Variants in RABGAP1 observed in about 807,000 individuals in gnomAD.
RABGAP1 encodes rab GTPase-activating protein 1.
Under a neutral mutation model 137.6 loss-of-function variants are expected in RABGAP1, and 23 were observed. The ratio of observed to expected loss-of-function variants is 0.17; its 90% confidence interval spans 0.12 to 0.24. The LOEUF is 0.24. Ranked by LOEUF, RABGAP1 falls within the 10% of genes least tolerant of loss-of-function variation. The pLI, the probability that RABGAP1 is intolerant of heterozygous loss-of-function variation, is 1.00. For synonymous variants in RABGAP1, 451 were observed against 450.7 expected, an observed-to-expected ratio of 1.00 and a Z score of -0.01; for missense variants, 906 against 1,275.8, an observed-to-expected ratio of 0.71 and a Z score of 4.42.
chr9:123,067,822 A>G (rs994500566), intron 14 of RABGAP1, among the ~76,000 whole-genome samples: 4 of 152,204 alleles, frequency 2.6e-5, no homozygotes, highest in Non-Finnish European at 5.9e-5. Flanking sequence ...AATGTATCAT[A>G]TAATTTCACA....
chr9:123,056,088 G>A (rs527860195), intron 13 of RABGAP1, among the ~76,000 whole-genome samples: 1 of 152,290 alleles, frequency 6.6e-6, no homozygotes, highest in African/African-American at 2.4e-5. Context: ...AAGGAGGGTT[G>A]GTTCCTTTTG....
intron 12 of RABGAP1, among the ~76,000 whole-genome samples, chr9:123,016,247 C>A (rs1158034003): frequency 6.6e-6 from 1 of 152,080 alleles, no homozygotes; most frequent in Non-Finnish European, 1.5e-5. Context: ...TGGTTCATGC[C>A]TGTAATCTCA....
rs1387942024 is a variant in RABGAP1, at chr9:123,099,535, A to G, written c.2875A>G (p.Ile959Val). The change falls in exon 24 of 26, where the codon ATT becomes GTT. Residue 959 changes from isoleucine to valine, a missense_variant. This residue lies in a region of RABGAP1 where 193 missense variants were observed against 248.1 expected (regional missense o/e 0.78). Coordinates refer to ENST00000373647, the MANE Select transcript of RABGAP1 (RefSeq NM_012197.4). ...EKQQTANKVEIEKIRQKVDDC... is the reference protein window; with the variant it reads ...EKQQTANKVEVEKIRQKVDDC... ...GCAGCAGACAGCCAATAAGGTGGAA[A>G]TTGAGAAAATTCGGGTAAGACTTCT... is the stretch of plus-strand genomic sequence containing the variant. 3 of 1,610,850 alleles carry G rather than the reference A, an allele frequency of 1.9e-6. No individual in the cohort carries two copies. Among genetic ancestry groups the G allele is most frequent in the Non-Finnish European group, 2.5e-6 (3 of 1,177,158 alleles).
At chr9:122,969,216 C>A (rs1339600886) in intron 2 of RABGAP1, among the ~76,000 whole-genome samples, 8 of 152,050 alleles carry the variant, frequency 5.3e-5, no homozygotes, top group Admixed American at 5.2e-4. Context: ...ACATGCTATA[C>A]AGGTTTGTAG....
chr9:122,981,315 T>A (rs1230307066), intron 2 of RABGAP1, among the ~76,000 whole-genome samples: 1 of 152,116 alleles, frequency 6.6e-6, no homozygotes, highest in African/African-American at 2.4e-5. Flanking sequence ...TTTGAGCCAC[T>A]GCACCCAGCA....
At chr9:123,046,543 C>CGATT (rs1376859544) in intron 13 of RABGAP1, among the ~76,000 whole-genome samples, 1 of 152,162 alleles carries the variant, frequency 6.6e-6, no homozygotes, top group African/African-American at 2.4e-5. Flanking sequence ...AGTACATAAT[C>CGATT]GTTCTAAGTC....
intron 24 of RABGAP1, among the ~76,000 whole-genome samples, chr9:123,100,877 A>C (rs537909292): frequency 1.3e-5 from 2 of 152,320 alleles, no homozygotes; most frequent in East Asian, 3.9e-4. Context: ...GTATTCTTTC[A>C]GTCTTTGTTC....
At chr9:122,971,564 T>G (rs566105967) in intron 2 of RABGAP1, 11 of 152,296 alleles carry the variant, frequency 7.2e-5, no homozygotes, top group Admixed American at 3.9e-4. Flanking sequence ...TTAAAATCAT[T>G]AAAGACTTAA....
chr9:122,942,980 C>G (rs1023277205), intron 1 of RABGAP1, among the ~76,000 whole-genome samples: 2 of 151,320 alleles, frequency 1.3e-5, no homozygotes, highest in African/African-American at 4.9e-5. Context: ...CCACTGCACT[C>G]TAGCCTGGGT....
chr9:122,953,098 G>T (rs551413066), intron 1 of RABGAP1, among the ~76,000 whole-genome samples: 51 of 152,248 alleles, frequency 3.3e-4, no homozygotes, highest in African/African-American at 1.2e-3. Context: ...TGTGTTTCCC[G>T]ACTAACAATC....
chr9:122,992,554 T>A (rs1464587894), intron 6 of RABGAP1, among the ~76,000 whole-genome samples: 1 of 151,956 alleles, frequency 6.6e-6, no homozygotes, highest in African/African-American at 2.4e-5. Context: ...GATTTGCTTT[T>A]CACATTTGTT....
intron 13 of RABGAP1, chr9:123,035,846 T>C (rs564754991): frequency 1.4e-4 from 64 of 471,104 alleles, no homozygotes; most frequent in African/African-American, 1.2e-3. Context: ...GAAGACAAAT[T>C]GCTCTTGCTC....
chr9:123,079,242 T>TTGTTTTG, intron 19 of RABGAP1, among the ~76,000 whole-genome samples: 1 of 135,118 alleles, frequency 7.4e-6, no homozygotes, highest in East Asian at 2.1e-4. Flanking sequence ...TTGTTTTGTT[T>TTGTTTTG]TTTTTTTTTT....
rs757657444 is a variant in RABGAP1, at chr9:123,065,342, C to G, written c.1795-6C>G. 1 of 1,585,684 alleles carries G rather than the reference C, an allele frequency of 6.3e-7. No homozygotes were observed. The highest frequency in any genetic ancestry group is 8.6e-7 in the Non-Finnish European group (1 of 1,157,790). ...CTAAACCCTCTCTTTCCTTATGTTT[C>G]CACAGGAGTCTCCCCAGGACAGTGC... On this transcript the variant is annotated splice_polypyrimidine_tract_variant and splice_region_variant and intron_variant, in intron 13 of 25. Transcript: ENST00000373647.
chr9:123,101,433 G>T (rs1401075567), intron 24 of RABGAP1, 133 bp from the exon 25 acceptor site: 2 of 787,830 alleles, frequency 2.5e-6, no homozygotes, highest in Non-Finnish European at 3.8e-6. Context: ...AGTTTACAAA[G>T]AGCACAGGTT....
At chr9:122,997,009 A>G (rs1459096654) in intron 8 of RABGAP1, 3 of 591,766 alleles carry the variant, frequency 5.1e-6, no homozygotes, top group African/African-American at 1.9e-5. Context: ...AGAATTCAAC[A>G]TTGGATTTAG....
chr9:123,054,797 C>T (rs936025960), intron 13 of RABGAP1, among the ~76,000 whole-genome samples: 3 of 151,974 alleles, frequency 2.0e-5, no homozygotes, highest in Non-Finnish European at 4.4e-5. Flanking sequence ...GTAGAATATC[C>T]CTCAAGTGAA....
intron 13 of RABGAP1, among the ~76,000 whole-genome samples, chr9:123,055,650 A>G (rs1425959892): frequency 6.6e-6 from 1 of 150,648 alleles, no homozygotes; most frequent in Non-Finnish European, 1.5e-5. Context: ...CCTGGGTTCA[A>G]GTGATTCTTC....
intron 13 of RABGAP1, among the ~76,000 whole-genome samples, chr9:123,030,566 AACAT>A (rs1362096402): frequency 3.3e-5 from 5 of 152,214 alleles, no homozygotes; most frequent in African/African-American, 1.2e-4. Context: ...ATCAGCATAT[AACAT>A]ACATACTTAT....
Sources: allele counts gnomAD v4.1 joint callset (sites outside exome capture counted in the v4.1 genomes callset), GRCh38; gene constraint gnomAD v4.1.1; regional missense constraint gnomAD v4.1.1; transcripts MANE v1.5; gene names NCBI Gene and HGNC (gene_info 2026-07-23, HGNC 2026-07-21).